LZTS1: variants seen among roughly 807,000 people sequenced by gnomAD.
LZTS1 encodes the protein leucine zipper tumor suppressor 1.
A neutral mutation model predicts 45.8 loss-of-function variants in LZTS1; 31 were observed. The observed-to-expected ratio is 0.68, with a 90% confidence interval of 0.51 to 0.91. LZTS1 has a LOEUF of 0.91. Ranked by LOEUF, LZTS1 falls within the 40% of genes least tolerant of loss-of-function variation. LZTS1 has a pLI of 0.00. For missense variants in LZTS1, 821 were observed against 788.9 expected (o/e 1.04, Z -0.49); for synonymous variants, 359 against 357.3 (o/e 1.00, Z -0.05).
intron 1 of LZTS1, among the ~76,000 whole-genome samples, chr8:20,273,142 C>T (rs1042097420): frequency 2.6e-5 from 4 of 152,154 alleles, no homozygotes; most frequent in Non-Finnish European, 5.9e-5. Context: ...GCAAACTTGA[C>T]CTCTCGGCGG....
chr8:20,279,969 C>CAAAAAAAA (rs57894688), intron 1 of LZTS1, among the ~76,000 whole-genome samples: 1 of 133,906 alleles, frequency 7.5e-6, no homozygotes, highest in Non-Finnish European at 1.6e-5. Context: ...AACCGTGTCT[C>CAAAAAAAA]AAAAAAAAAA....
At chr8:20,284,056 C>G (rs1219032177) in intron 1 of LZTS1, among the ~76,000 whole-genome samples, 1 of 152,164 alleles carries the variant, frequency 6.6e-6, no homozygotes, top group Admixed American at 6.6e-5. Flanking sequence ...GGTCAGGCAT[C>G]CTGGACTTGA....
chr8:20,260,574 G>C (rs1800206999), intron 1 of LZTS1, among the ~76,000 whole-genome samples: 1 of 152,174 alleles, frequency 6.6e-6, no homozygotes, highest in Non-Finnish European at 1.5e-5. Flanking sequence ...ATAGCAAAAT[G>C]AGCTTCCTGG....
At chr8:20,258,158 G>A (rs1036454975) in intron 1 of LZTS1, among the ~76,000 whole-genome samples, 3 of 152,208 alleles carry the variant, frequency 2.0e-5, no homozygotes, top group African/African-American at 7.2e-5. Flanking sequence ...GTCATGCACT[G>A]TGAAGTATTT....
At chr8:20,268,171 C>A (rs1393598188) in intron 1 of LZTS1, among the ~76,000 whole-genome samples, 3 of 135,262 alleles carry the variant, frequency 2.2e-5, no homozygotes, top group African/African-American at 5.4e-5. Context: ...CCCACCCCCA[C>A]CCCCACCCCC....
chr8:20,250,204 C>G lies in LZTS1; in HGVS notation c.1309G>C (p.Glu437Gln). 1 of 1,612,522 alleles carries G rather than the reference C, an allele frequency of 6.2e-7. No homozygotes were observed. The highest frequency in any genetic ancestry group is 1.3e-5 in the African/African-American group (1 of 75,044). ...EGLELRTQDL[E>Q]GALRTKGLEL... is the part of the protein sequence containing the mutation. ...AGGCCCTTGGTGCGCAGGGCGCCCT[C>G]CAGGTCCTGGGTCCTCAGCTCCAGG... is the stretch of plus-strand genomic sequence containing the variant. The change falls in exon 4 of 4, where the codon GAG (glutamate) becomes CAG (glutamine). Residue 437 changes from glutamate (E) to glutamine (Q), a missense_variant. Coordinates refer to ENST00000381569, the MANE Select transcript of LZTS1 (RefSeq NM_021020.5).
Position 20,292,438 on chromosome 8 carries a change from C to G in LZTS1, c.-135+11302G>C, listed in dbSNP as rs79385263. ...GTGCACATATGAGAGCGGCAGAGAA[C>G]TTGCTTTTCAGTTTTGAAAGTACCG... On this transcript the variant is annotated intron_variant, in intron 1 of 3. Coordinates refer to ENST00000381569, the MANE Select transcript of LZTS1 (RefSeq NM_021020.5). Among the ~76,000 whole-genome samples the G allele has an allele frequency of 1.2e-3, 178 of 152,320 alleles. 2 individuals carry two copies. In the East Asian group the frequency reaches 0.032, roughly 27 times the overall value.
At chr8:20,298,196 G>A (rs1020170393) in intron 1 of LZTS1, among the ~76,000 whole-genome samples, 17 of 152,080 alleles carry the variant, frequency 1.1e-4, no homozygotes, top group African/African-American at 4.1e-4. Context: ...CAAGTAGCTG[G>A]AACTACAGGC....
chr8:20,268,284 C>G (rs1800403087), intron 1 of LZTS1, among the ~76,000 whole-genome samples: 1 of 150,596 alleles, frequency 6.6e-6, no homozygotes. Flanking sequence ...GGCTGGGGGG[C>G]CCAGGCTGCA....
At chr8:20,280,815 T>G (rs1164981098) in intron 1 of LZTS1, among the ~76,000 whole-genome samples, 1 of 152,096 alleles carries the variant, frequency 6.6e-6, no homozygotes, top group Non-Finnish European at 1.5e-5. Context: ...GGAGCTGCAC[T>G]CCCTACCTTC....
intron 1 of LZTS1, among the ~76,000 whole-genome samples, chr8:20,260,564 A>C (rs1344520895): frequency 1.3e-5 from 2 of 152,236 alleles, no homozygotes; most frequent in Non-Finnish European, 2.9e-5. Flanking sequence ...TCTGTCCCAG[A>C]TAGCAAAATG....
At chr8:20,297,252 G>A (rs2128899735) in intron 1 of LZTS1, among the ~76,000 whole-genome samples, 1 of 152,300 alleles carries the variant, frequency 6.6e-6, no homozygotes, top group Middle Eastern at 3.4e-3. Context: ...TTCAAATTCT[G>A]TGGAGGCAAC....
rs892777356 is a variant in LZTS1 at position 20,303,595 on chromosome 8, C to G, written c.-135+145G>C. 13 of 717,712 alleles carry G rather than the reference C, an allele frequency of 1.8e-5. No individual in the cohort carries two copies. In the Admixed American group the frequency reaches 7.5e-4, roughly 42 times the overall value. 44.5% of individuals were successfully genotyped at this position (717,712 alleles called of 1,614,324 possible). A position where few individuals can be genotyped will look rare whatever the true frequency, so the allele number is the denominator to read the frequency against. On this transcript the variant is annotated intron_variant, in intron 1 of 3. Coordinates refer to ENST00000381569, the MANE Select transcript of LZTS1 (RefSeq NM_021020.5). ...CAGCTCCACGCGGAGACAAAGACAC[C>G]TCGACAGCCACGGACACAGACAGAC...
At chr8:20,256,060 C>CAAAAAAAA (rs386412254) in intron 1 of LZTS1, among the ~76,000 whole-genome samples, 18 of 56,414 alleles carry the variant, frequency 3.2e-4, no homozygotes, top group Non-Finnish European at 4.2e-4. Flanking sequence ...GGGCCTGACT[C>CAAAAAAAA]AAAAAAAAAA....
At chr8:20,280,170 C>T (rs184990991) in intron 1 of LZTS1, among the ~76,000 whole-genome samples, 6 of 152,170 alleles carry the variant, frequency 3.9e-5, no homozygotes, top group Admixed American at 3.9e-4. Flanking sequence ...GCTGGATTTC[C>T]CTCGTTTTCT....
At chr8:20,258,612 G>T (rs1250433213) in intron 1 of LZTS1, among the ~76,000 whole-genome samples, 1 of 152,126 alleles carries the variant, frequency 6.6e-6, no homozygotes, top group African/African-American at 2.4e-5. Flanking sequence ...TTGTATACTC[G>T]AGGAAATACA....
At chr8:20,272,090 G>C (rs1309821448) in intron 1 of LZTS1, among the ~76,000 whole-genome samples, 1 of 152,206 alleles carries the variant, frequency 6.6e-6, no homozygotes, top group African/African-American at 2.4e-5. Flanking sequence ...GCATAGCACT[G>C]AGCAGAACAG....
chr8:20,295,433 A>G (rs972738113), intron 1 of LZTS1, among the ~76,000 whole-genome samples: 4 of 152,066 alleles, frequency 2.6e-5, no homozygotes, highest in African/African-American at 7.2e-5. Flanking sequence ...TGGCTTTCCA[A>G]TTTCTGTGGC....
chr8:20,256,060 CAAA>C (rs386412254), intron 1 of LZTS1, among the ~76,000 whole-genome samples: 188 of 56,452 alleles, frequency 3.3e-3, no homozygotes, highest in African/African-American at 0.012. Flanking sequence ...GGGCCTGACT[CAAA>C]AAAAAAAAAA....
Sources: allele counts gnomAD v4.1 joint callset (sites outside exome capture counted in the v4.1 genomes callset), GRCh38; gene constraint gnomAD v4.1.1; transcripts MANE v1.5; gene names NCBI Gene and HGNC (gene_info 2026-07-23, HGNC 2026-07-21).